CCDC102B: variants seen among roughly 807,000 people sequenced by gnomAD.
The protein encoded by CCDC102B is coiled-coil domain-containing protein 102B.
In CCDC102B, 75 loss-of-function variants were observed where a neutral mutation model predicts 57.4. The observed-to-expected ratio is 1.31, with a 90% CI of 1.08 to 1.58. CCDC102B has a LOEUF of 1.58. Among genes scored for constraint, CCDC102B ranks in the 40% most tolerant of loss-of-function variants. The pLI is 0.00. For synonymous variants in CCDC102B, 206 were observed against 201.9 expected (o/e 1.02, Z -0.17); for missense variants, 636 against 582.6 (o/e 1.09, Z -0.94).
chr18:68,914,680 C>T (rs1599683126), intron 6 of CCDC102B, among the ~76,000 whole-genome samples: 1 of 152,120 alleles, frequency 6.6e-6, no homozygotes, highest in East Asian at 1.9e-4. Context: ...CACTGATTCA[C>T]CAGAAATTGG....
intron 2 of CCDC102B, among the ~76,000 whole-genome samples, chr18:68,778,017 A>G (rs2034882173): frequency 6.6e-6 from 1 of 152,152 alleles, no homozygotes. Context: ...ACTGATCCAT[A>G]AGTTTAACAA....
At chr18:68,982,564 A>C (rs2145297568) in intron 6 of CCDC102B, among the ~76,000 whole-genome samples, 1 of 152,100 alleles carries the variant, frequency 6.6e-6, no homozygotes, top group Middle Eastern at 3.4e-3. Context: ...CAAAGACAAA[A>C]GATGCTGTAT....
intron 4 of CCDC102B, among the ~76,000 whole-genome samples, chr18:68,848,489 A>G (rs184510531): frequency 1.1e-3 from 172 of 152,162 alleles, no homozygotes; most frequent in African/African-American, 3.8e-3. Context: ...GTAAAAATGC[A>G]TTTGAAAGTC....
intron 2 of CCDC102B, among the ~76,000 whole-genome samples, chr18:68,731,831 A>T (rs28414984): frequency 0.051 from 7,559 of 148,374 alleles, 596 homozygotes; most frequent in African/African-American, 0.17. Flanking sequence ...AAATCTCTGA[A>T]CACCATTTCT....
chr18:68,717,506 A>C (rs1242437817), intron 2 of CCDC102B, among the ~76,000 whole-genome samples: 1 of 152,308 alleles, frequency 6.6e-6, no homozygotes, highest in East Asian at 1.9e-4. Context: ...CTTGGTTTGC[A>C]TTACATTTCC....
intron 4 of CCDC102B, among the ~76,000 whole-genome samples, chr18:68,850,399 T>C (rs770720640): frequency 2.6e-5 from 4 of 152,122 alleles, no homozygotes; most frequent in Non-Finnish European, 5.9e-5. Context: ...TCTTTCACTC[T>C]GTCCTATGTC....
chr18:68,725,271 G>C (rs2032541860), intron 2 of CCDC102B, among the ~76,000 whole-genome samples: 1 of 152,202 alleles, frequency 6.6e-6, no homozygotes, highest in Admixed American at 6.5e-5. Flanking sequence ...CAAAATACCT[G>C]CTTTTAATAG....
intron 7 of CCDC102B, among the ~76,000 whole-genome samples, chr18:69,051,269 T>G (rs1449413900): frequency 6.6e-6 from 1 of 152,098 alleles, no homozygotes; most frequent in African/African-American, 2.4e-5. Flanking sequence ...AAAGTATTAC[T>G]TTTAATGTCA....
At chr18:68,856,139 C>T (rs1007039140) in intron 4 of CCDC102B, among the ~76,000 whole-genome samples, 2 of 152,016 alleles carry the variant, frequency 1.3e-5, no homozygotes, top group African/African-American at 2.4e-5. Flanking sequence ...ATAAAATATA[C>T]CCAAACATGA....
At chr18:68,748,513 CG>C (rs1422695529) in intron 2 of CCDC102B, among the ~76,000 whole-genome samples, 1 of 152,062 alleles carries the variant, frequency 6.6e-6, no homozygotes, top group Non-Finnish European at 1.5e-5. Context: ...CTTTTCCCAA[CG>C]GAGTAATTTT....
Position 68,874,698 on chromosome 18 carries a change from T to C in CCDC102B, c.966T>C (p.Asp322=), listed in dbSNP as rs373637086. Residue 322 remains aspartate, a synonymous_variant, in exon 5 of 8, where the codon GAT becomes GAC. Coordinates refer to ENST00000360242, the MANE Select transcript of CCDC102B (RefSeq NM_024781.3). The part of the protein sequence containing the change: ...EFDILLGQHN[D]EMQELSGNIK... ...ACATTCTTCTTGGTCAACATAATGA[T>C]GAAATGCAAGAACTGTCAGGCAATA... 6 of 1,611,402 alleles carry C rather than the reference T, an allele frequency of 3.7e-6. No individual in the cohort carries two copies. Among genetic ancestry groups the C allele is most frequent in the African/African-American group, 1.3e-5 (1 of 74,960 alleles).
chr18:69,055,893 CATT>C (rs2052808103), downstream of CCDC102B, among the ~76,000 whole-genome samples: 1 of 152,050 alleles, frequency 6.6e-6, no homozygotes, highest in Admixed American at 6.6e-5. Flanking sequence ...TATACTCTCA[CATT>C]ATATCATGTT....
chr18:68,788,003 C>T (rs369415143), intron 2 of CCDC102B, among the ~76,000 whole-genome samples: 44 of 150,780 alleles, frequency 2.9e-4, no homozygotes, highest in South Asian at 8.5e-4. Flanking sequence ...GCTTTGAATG[C>T]GTCCCAGAGA....
At chr18:68,752,970 CT>C (rs1261970982) in intron 2 of CCDC102B, among the ~76,000 whole-genome samples, 1 of 152,128 alleles carries the variant, frequency 6.6e-6, no homozygotes, top group Non-Finnish European at 1.5e-5. Context: ...ATTCGAAACC[CT>C]AACGAGACTA....
chr18:68,857,302 TAA>T (rs1491293757), intron 4 of CCDC102B, among the ~76,000 whole-genome samples: 1 of 6,430 alleles, frequency 1.6e-4, no homozygotes, highest in African/African-American at 5.4e-4. Flanking sequence ...ATTATATATA[TAA>T]TATATATTTA....
At chr18:68,733,453 CCTT>C (rs1406010340) in intron 2 of CCDC102B, among the ~76,000 whole-genome samples, 1 of 133,198 alleles carries the variant, frequency 7.5e-6, no homozygotes, top group African/African-American at 2.8e-5. Context: ...GGAAAGGTAA[CCTT>C]AGAGTCACAA....
intron 2 of CCDC102B, among the ~76,000 whole-genome samples, chr18:68,777,125 C>T (rs752192686): frequency 1.3e-5 from 2 of 152,140 alleles, no homozygotes; most frequent in Non-Finnish European, 2.9e-5. Context: ...TTTGATTAAG[C>T]AGGTAGCATG....
intron 2 of CCDC102B, among the ~76,000 whole-genome samples, chr18:68,773,800 A>G (rs2034721561): frequency 6.6e-6 from 1 of 151,982 alleles, no homozygotes; most frequent in Admixed American, 6.6e-5. Flanking sequence ...TTGGGTGGCA[A>G]AACACCCAAA....
intron 6 of CCDC102B, among the ~76,000 whole-genome samples, chr18:68,964,050 G>A (rs1292268999): frequency 6.6e-6 from 1 of 151,834 alleles, no homozygotes; most frequent in Non-Finnish European, 1.5e-5. Context: ...AATGGTGTCT[G>A]TCTTCGGGTC....
Sources: allele counts gnomAD v4.1 joint callset (sites outside exome capture counted in the v4.1 genomes callset), GRCh38; gene constraint gnomAD v4.1.1; transcripts MANE v1.5; gene names NCBI Gene and HGNC (gene_info 2026-07-23, HGNC 2026-07-21).